SLC20A1: variants seen among roughly 807,000 people sequenced by gnomAD.
The protein encoded by SLC20A1 is sodium-dependent phosphate transporter 1.
Under a neutral mutation model 62.7 loss-of-function variants are expected in SLC20A1, and 28 were observed. The ratio of observed to expected loss-of-function variants is 0.45; its 90% CI spans 0.33 to 0.61. The LOEUF is 0.61. SLC20A1 is among the 20% of genes least tolerant of loss of function. The pLI is 0.02. For missense variants in SLC20A1, 673 were observed against 838.6 expected (o/e 0.80, Z 2.44); for synonymous variants, 305 against 302.9 (o/e 1.01, Z -0.07).
At chr2:112,649,527 C>T (rs1686377234) in intron 4 of SLC20A1, among the ~76,000 whole-genome samples, 1 of 152,144 alleles carries the variant, frequency 6.6e-6, no homozygotes, top group Non-Finnish European at 1.5e-5. Context: ...TATTCCAACT[C>T]TTAAATGTCT....
Position 112,659,060 on chromosome 2 carries a change from G to A in SLC20A1, c.1014G>A (p.Leu338=), listed in dbSNP as rs1423423953. 1.2e-6 allele frequency: 2 copies of A among 1,614,142 alleles called. No homozygotes were observed. The highest frequency in any genetic ancestry group is 1.7e-6 in the Non-Finnish European group (2 of 1,180,032). ...GAGAGAGGCTTCCCAGCGTGGACTT[G>A]AAAGAGGAAACCAGCATAGATAGCA... ...PERERLPSVD[L]KEETSIDSTV... Residue 338 remains leucine, a synonymous_variant, in exon 7 of 11, where the codon TTG becomes TTA. Transcript: ENST00000272542.
Position 112,646,844 on chromosome 2 carries a change from AC to A in SLC20A1, c.18del (p.Ser7ValfsTer38), listed in dbSNP as rs1302544395. On this transcript the variant is annotated frameshift_variant, in exon 2 of 11. Transcript: ENST00000272542. LOFTEE classifies it high-confidence loss of function. ...ACTCCAGAGAATGGCAACGCTGATT[AC>A]CAGTACTACAGCTGCTACCGCCGCT... MATLITSTTAATAASG... is the reference protein window; with the variant it reads MATLIXSTTAATAASG... 3 of 1,608,248 alleles carry A rather than the reference AC, an allele frequency of 1.9e-6. No homozygotes were observed.
Position 112,660,552 on chromosome 2 carries a change from G to A in SLC20A1, c.1773G>A (p.Leu591=), listed in dbSNP as rs763043852. The A allele has an allele frequency of 6.2e-7, 1 of 1,613,976 alleles. No homozygotes were observed. The change falls in exon 9 of 11, where the codon CTG becomes CTA. Residue 591 remains leucine (L), a synonymous_variant. Coordinates refer to ENST00000272542, the MANE Select transcript of SLC20A1 (RefSeq NM_005415.5). The part of the protein sequence containing the change: ...RRVIQTMGKD[L]TPITPSSGFS... The stretch of plus-strand genomic sequence containing the variant: ...TTATCCAGACCATGGGGAAGGATCT[G>A]ACACCGATCACACCCTCTAGGTAAG...
At position 112,657,695 on chromosome 2, in the gene SLC20A1, A is replaced by G. The variant is rs531823661; in HGVS notation, c.778+454A>G. On this transcript the variant is annotated intron_variant, in intron 6 of 10. Coordinates refer to ENST00000272542, the MANE Select transcript of SLC20A1 (RefSeq NM_005415.5). ...ACTTCAGATTCAGACAAGCAAAGCT[A>G]AGTCTAATGTGTACATGTTGTATAT... Among the ~76,000 whole-genome samples the G allele has an allele frequency of 1.6e-3, 246 of 152,362 alleles. 1 individual carries two copies. Among genetic ancestry groups the G allele is most frequent in the African/African-American group, 5.6e-3 (232 of 41,580 alleles).
chr2:112,650,737 C>T (rs2104642782), intron 4 of SLC20A1, among the ~76,000 whole-genome samples: 1 of 152,220 alleles, frequency 6.6e-6, no homozygotes, highest in East Asian at 1.9e-4. Context: ...GATCCTCCTG[C>T]CTCAGCCTCC....
intron 4 of SLC20A1, among the ~76,000 whole-genome samples, chr2:112,650,572 C>G (rs1444809645): frequency 6.6e-6 from 1 of 151,876 alleles, no homozygotes; most frequent in Non-Finnish European, 1.5e-5. Context: ...CTCAGGTGCT[C>G]TGTCCGTCTT....
chr2:112,657,039 C>A lies in SLC20A1; in HGVS notation c.659-83C>A, dbSNP rs549126171. The A allele has an allele frequency of 3.6e-4, 553 of 1,545,222 alleles. 4 individuals carry two copies. The South Asian group carries it at 4.7e-3, about 13-fold the overall frequency. ...GGTGATGGGCTGGTATGGGGAACCC[C>A]TCAGTCCCCAGAGGAGGGTTTACAC... On this transcript the variant is annotated intron_variant, in intron 5 of 10. Transcript: ENST00000272542.
In SLC20A1 at chr2:112,658,909, CTGTT is replaced by C. The variant is rs1686673262; in HGVS notation, c.864_867del (p.Gly290IlefsTer11). On this transcript the variant is annotated frameshift_variant, in exon 7 of 11. Coordinates refer to ENST00000272542, the MANE Select transcript of SLC20A1 (RefSeq NM_005415.5). LOFTEE classifies it high-confidence loss of function. ...GAAGACCATGAAGAAACAAAGTTGT[CTGTT>C]GGTGATATTGAAAACAAGCATCCTG... The C allele has an allele frequency of 1.9e-6, 3 of 1,613,986 alleles. No homozygotes were observed.
Position 112,646,792 on chromosome 2 carries a change from C to T in SLC20A1, c.-37C>T, listed in dbSNP as rs375354033. 1 of 1,454,574 alleles carries T rather than the reference C, an allele frequency of 6.9e-7. No homozygotes were observed. The highest frequency in any genetic ancestry group is 9.5e-7 in the Non-Finnish European group (1 of 1,050,064). 90.1% of individuals were successfully genotyped at this position (1,454,574 alleles called of 1,614,324 possible). On this transcript the variant is annotated 5_prime_UTR_variant, in exon 2 of 11. Coordinates refer to ENST00000272542, the MANE Select transcript of SLC20A1 (RefSeq NM_005415.5). ...CTGTTTACACATCTTGAAAGGCGCT[C>T]AGTAGTTCTCTTACTAAACAACCAC...
intron 5 of SLC20A1, 159 bp from the exon 6 acceptor site, chr2:112,656,963 A>G: frequency 1.2e-6 from 1 of 832,822 alleles, no homozygotes; most frequent in Non-Finnish European, 2.0e-6. Context: ...AAATTTGTAT[A>G]GGCACTAGCA....
At position 112,659,080 on chromosome 2, in the gene SLC20A1, A is replaced by G. The variant is rs1182233898; in HGVS notation, c.1034A>G (p.Asp345Gly). 6.2e-7 allele frequency: 1 copy of G among 1,613,440 alleles called. No homozygotes were observed. The highest frequency in any genetic ancestry group is 1.1e-5 in the South Asian group (1 of 90,998). The stretch of plus-strand genomic sequence containing the variant: ...GACTTGAAAGAGGAAACCAGCATAG[A>G]TAGCACCGTGAATGGTGAGTTGGAA... Reference protein sequence around the residue: ...SVDLKEETSIDSTVNGAVQLP... With the variant: ...SVDLKEETSIGSTVNGAVQLP... Residue 345 changes from aspartate (D) to glycine (G), a missense_variant, in exon 7 of 11, where the codon GAT becomes GGT. Coordinates refer to ENST00000272542, the MANE Select transcript of SLC20A1 (RefSeq NM_005415.5).
Position 112,661,119 on chromosome 2 carries a change from CAAG to C in SLC20A1, c.1794-20_1794-18del, listed in dbSNP as rs749630251. On this transcript the variant is annotated intron_variant, in intron 9 of 10. Transcript: ENST00000272542. ...CAAAAAAGTCAAACTCACTTCCTGA[CAAG>C]AATCCTTTTGTGTCTGTAGTGGCTT... 10 of 1,601,196 alleles carry C rather than the reference CAAG, an allele frequency of 6.2e-6. No homozygotes were observed. In the East Asian group the frequency reaches 2.0e-4, roughly 32 times the overall value.
intron 5 of SLC20A1, among the ~76,000 whole-genome samples, chr2:112,656,762 A>G (rs1263404833): frequency 6.6e-6 from 1 of 152,166 alleles, no homozygotes; most frequent in African/African-American, 2.4e-5. Context: ...ATCATGAGCT[A>G]GGAGAGTGGA....
At chr2:112,655,522 GGT>G (rs1491175649) in intron 5 of SLC20A1, among the ~76,000 whole-genome samples, 3 of 32,214 alleles carry the variant, frequency 9.3e-5, no homozygotes, top group East Asian at 1.4e-3. Context: ...ATCTTTTATG[GGT>G]TTTTTTTTTT....
In SLC20A1 at chr2:112,656,784, CTT is replaced by C. The variant is rs893059318; in HGVS notation, c.659-334_659-333del. Among the ~76,000 whole-genome samples, 33 of 152,150 alleles carry C rather than the reference CTT, an allele frequency of 2.2e-4. 1 individual carries two copies. The highest frequency in any genetic ancestry group is 6.5e-4 in the Admixed American group (10 of 15,280). On this transcript the variant is annotated intron_variant, in intron 5 of 10. Transcript: ENST00000272542. The stretch of plus-strand genomic sequence containing the variant: ...GCTAGGAGAGTGGAACACTTGCTGT[CTT>C]TTTCATAGCTAGTCATAGGTCCTTA...
intron 9 of SLC20A1, 190 bp from the exon 10 acceptor site, chr2:112,660,952 G>C: frequency 1.9e-6 from 1 of 515,964 alleles, no homozygotes; most frequent in Non-Finnish European, 3.4e-6. Context: ...GGAAGCCTTT[G>C]AATAAGGAAA....
At chr2:112,655,667 A>G (rs148772514) in intron 5 of SLC20A1, among the ~76,000 whole-genome samples, 2 of 151,830 alleles carry the variant, frequency 1.3e-5, no homozygotes, top group African/African-American at 2.4e-5. Flanking sequence ...CATCTGTTAG[A>G]TTTAAATAGG....
rs143019736 is a variant in SLC20A1 at position 112,663,116 on chromosome 2, C to G, written c.*91C>G. 5.4e-4 allele frequency: 769 copies of G among 1,423,480 alleles called. 8 individuals are homozygous for G. In the African/African-American group the frequency reaches 1.0e-2, roughly 18 times the overall value. 88.2% of individuals were successfully genotyped at this position (1,423,480 alleles called of 1,614,324 possible). A position where few individuals can be genotyped will look rare whatever the true frequency, so the allele number is the denominator to read the frequency against. On this transcript the variant is annotated 3_prime_UTR_variant, in exon 11 of 11. Coordinates refer to ENST00000272542, the MANE Select transcript of SLC20A1 (RefSeq NM_005415.5). ...GAATGATTACAGTGTTAACAGAAGA[C>G]TGACAAGAGTCTTTTTATTTGGGAG...
chr2:112,660,625 T>TATA, intron 9 of SLC20A1, 53 bp downstream of exon 9: 2 of 1,484,606 alleles, frequency 1.3e-6, no homozygotes, highest in Non-Finnish European at 1.8e-6. Context: ...TTTTCAGAGA[T>TATA]ATAACACTGT....
Sources: gnomAD v4.1 joint callset for allele counts (sites outside exome capture counted in the v4.1 genomes callset) on GRCh38, gnomAD v4.1.1 for gene constraint, MANE v1.5 for transcripts, NCBI Gene and HGNC (gene_info 2026-07-23, HGNC 2026-07-21) for gene names.